The following KCNC1 variants were observed in gnomAD, a reference collection of about 807,000 sequenced individuals.
The protein encoded by KCNC1 is voltage-gated potassium channel KCNC1.
In KCNC1, 8 loss-of-function variants were observed where a neutral mutation model predicts 43.4. The observed-to-expected ratio is 0.18, with a 90% confidence interval of 0.11 to 0.33. The LOEUF (loss-of-function observed/expected upper bound fraction) is 0.33. KCNC1 is among the 10% of genes least tolerant of loss of function. The pLI is 1.00. For synonymous variants in KCNC1, 361 were observed against 360.5 expected (o/e 1.00, Z -0.01); for missense variants, 420 against 836.0 (o/e 0.50, Z 6.14).
intron 1 of KCNC1, among the ~76,000 whole-genome samples, chr11:17,767,127 G>A (rs1849159153): frequency 1.1e-5 from 1 of 88,314 alleles, no homozygotes; most frequent in African/African-American, 3.6e-5. Flanking sequence ...ACGAGACTCT[G>A]TCTTAAAAAA....
Position 17,777,767 on chromosome 11 carries a change from A to T in KCNC1, c.1505-1689A>T. On this transcript the variant is annotated intron_variant, in intron 2 of 3. Transcript: ENST00000265969. The surrounding 1 kb of genome is among the most constrained non-coding windows in gnomAD (Gnocchi z 4.3). Reference sequence around the variant, plus strand: ...AAAGACTTTTTTTTTAAGTTCCAAAATTATGATGGGATTTTTTTGGATTTG... The same window carrying T: ...AAAGACTTTTTTTTTAAGTTCCAAATTTATGATGGGATTTTTTTGGATTTG... 1.0e-6 allele frequency: 1 copy of T among 986,294 alleles called. No individual in the cohort carries two copies. The highest frequency in any genetic ancestry group is 1.2e-6 in the Non-Finnish European group (1 of 830,012). The allele number at this position is 986,294 out of a possible 1,614,324, so 61.1% of individuals were successfully genotyped here. A position where few individuals can be genotyped will look rare whatever the true frequency, so the allele number is the denominator to read the frequency against.
At chr11:17,747,050 G>A (rs1392814987) in intron 1 of KCNC1, among the ~76,000 whole-genome samples, 2 of 152,102 alleles carry the variant, frequency 1.3e-5, no homozygotes, top group Non-Finnish European at 1.5e-5. Flanking sequence ...ATCGTCACCC[G>A]TTACCCACCT....
At chr11:17,764,263 C>A (rs965132145) in intron 1 of KCNC1, among the ~76,000 whole-genome samples, 1 of 128,642 alleles carries the variant, frequency 7.8e-6, no homozygotes, top group Non-Finnish European at 1.5e-5. Flanking sequence ...ACACACACCA[C>A]CGCACACAAA....
rs753437246 is a variant in KCNC1 at position 17,740,750 on chromosome 11, T to G, written c.570+4178T>G. ...CCAAGCTGGGGAAGCCCCACCTCCATCCACCCAGCTGCCTGCCTCTCCTCT... is the reference window on the plus strand; with the variant it reads ...CCAAGCTGGGGAAGCCCCACCTCCAGCCACCCAGCTGCCTGCCTCTCCTCT... On this transcript the variant is annotated intron_variant, in intron 1 of 3. Coordinates refer to ENST00000265969, the MANE Select transcript of KCNC1 (RefSeq NM_001112741.2). Among the ~76,000 whole-genome samples, 5 of 152,198 alleles carry G rather than the reference T, an allele frequency of 3.3e-5. No individual in the cohort carries two copies. The South Asian group carries it at 1.0e-3, about 32-fold the overall frequency.
chr11:17,736,032 C>G lies in KCNC1; in HGVS notation c.30C>G (p.Ile10Met). 3 of 1,545,540 alleles carry G rather than the reference C, an allele frequency of 1.9e-6. No individual in the cohort carries two copies. The highest frequency in any genetic ancestry group is 2.6e-6 in the Non-Finnish European group (3 of 1,148,228). MGQGDESER[I>M]VINVGGTRHQ... ...GCCAAGGGGACGAGAGCGAGCGCAT[C>G]GTGATCAACGTGGGCGGCACGCGCC... The change falls in exon 1 of 4, where the codon ATC becomes ATG. Residue 10 changes from isoleucine (I) to methionine (M), a missense_variant. Around this residue, in one of 5 missense-constraint regions of KCNC1, gnomAD observed 42 missense variants for 81.5 expected, o/e 0.52. Transcript: ENST00000265969. This position sits in a 1 kb window ranked among gnomAD's most constrained non-coding sequence, Gnocchi z 9.3.
chr11:17,763,003 A>G (rs573301659), intron 1 of KCNC1, among the ~76,000 whole-genome samples: 1 of 152,280 alleles, frequency 6.6e-6, no homozygotes, highest in Non-Finnish European at 1.5e-5. Context: ...CTTCCAAAAA[A>G]AAGATACGCA....
intron 1 of KCNC1, among the ~76,000 whole-genome samples, chr11:17,768,616 G>GGT (rs1554991049): frequency 2.0e-5 from 3 of 150,928 alleles, no homozygotes; most frequent in African/African-American, 4.9e-5. Context: ...TGTTGGTGGG[G>GGT]GGGGGGGCGG....
intron 1 of KCNC1, among the ~76,000 whole-genome samples, chr11:17,741,639 C>T (rs1462094618): frequency 6.6e-6 from 1 of 152,130 alleles, no homozygotes; most frequent in Non-Finnish European, 1.5e-5. Context: ...TGTCAGATCG[C>T]CCGAGCCTGC....
At position 17,735,926 on chromosome 11, in the gene KCNC1, C is replaced by A; in HGVS notation, c.-77C>A. On this transcript the variant is annotated 5_prime_UTR_variant, in exon 1 of 4. Coordinates refer to ENST00000265969, the MANE Select transcript of KCNC1 (RefSeq NM_001112741.2). This position sits in a 1 kb window ranked among gnomAD's most constrained non-coding sequence, Gnocchi z 6.7. ...AGGGGGGAAGAGGGCGCGCGCCCCC[C>A]TCCCCGGCGCCAACTCCCCCTGGCG... 1 of 1,376,292 alleles carries A rather than the reference C, an allele frequency of 7.3e-7. No individual in the cohort carries two copies. The highest frequency in any genetic ancestry group is 9.3e-7 in the Non-Finnish European group (1 of 1,072,038). 85.3% of individuals were successfully genotyped at this position (1,376,292 alleles called of 1,614,324 possible). A position where few individuals can be genotyped will look rare whatever the true frequency, so the allele number is the denominator to read the frequency against.
Position 17,771,621 on chromosome 11 carries a change from C to T in KCNC1, c.571-44C>T. 1 of 1,543,610 alleles carries T rather than the reference C, an allele frequency of 6.5e-7. No homozygotes were observed. Among genetic ancestry groups the T allele is most frequent in the Non-Finnish European group, 8.8e-7 (1 of 1,132,568 alleles). ...GACAGAGGCAACCCAGGCTTCTCCA[C>T]TCTGGGTGGGCCTCCCTCTGACACT... On this transcript the variant is annotated intron_variant, in intron 1 of 3. Transcript: ENST00000265969. This position sits in a 1 kb window ranked among gnomAD's most constrained non-coding sequence, Gnocchi z 4.7.
chr11:17,778,003 A>AT (rs1430537705), intron 2 of KCNC1, among the ~76,000 whole-genome samples: 5 of 151,870 alleles, frequency 3.3e-5, no homozygotes, highest in Non-Finnish European at 5.9e-5. Flanking sequence ...TTTTCCCCCC[A>AT]CTCTACTCTT....
In KCNC1 at chr11:17,771,836, A is replaced by G. The variant is rs1429514588; in HGVS notation, c.742A>G (p.Ile248Val). The G allele has an allele frequency of 6.2e-7, 1 of 1,614,140 alleles. No homozygotes were observed. Among genetic ancestry groups the G allele is most frequent in the South Asian group, 1.1e-5 (1 of 91,084 alleles). ...EAETEAFLTY[I>V]EGVCVVWFTF... is the part of the protein sequence containing the mutation. ...CGAGACGGAGGCCTTCCTTACCTAC[A>G]TCGAGGGCGTCTGTGTGGTCTGGTT... Residue 248 changes from isoleucine (I) to valine (V), a missense_variant, in exon 2 of 4, where the codon ATC becomes GTC. Ile to Val is a conservative substitution (Grantham distance 29, BLOSUM62 3). This residue lies in a region of KCNC1 where 151 missense variants were observed against 216.7 expected (regional missense o/e 0.70). Coordinates refer to ENST00000265969, the MANE Select transcript of KCNC1 (RefSeq NM_001112741.2). The surrounding 1 kb of genome is among the most constrained non-coding windows in gnomAD (Gnocchi z 4.7).
Position 17,781,748 on chromosome 11 carries a change from C to T in KCNC1, c.*14C>T. On this transcript the variant is annotated 3_prime_UTR_variant, in exon 4 of 4. Coordinates refer to ENST00000265969, the MANE Select transcript of KCNC1 (RefSeq NM_001112741.2). This position sits in a 1 kb window ranked among gnomAD's most constrained non-coding sequence, Gnocchi z 5.1. ...AGAGTGACTTGACCAGGCGGCTTGG[C>T]CGAGGACACTGGTGGCTATTAAGCA... 1.3e-6 allele frequency: 2 copies of T among 1,543,494 alleles called. No individual in the cohort carries two copies. The highest frequency in any genetic ancestry group is 1.8e-6 in the Non-Finnish European group (2 of 1,139,492).
At chr11:17,751,160 C>T (rs1338062961) in intron 1 of KCNC1, among the ~76,000 whole-genome samples, 3 of 152,184 alleles carry the variant, frequency 2.0e-5, no homozygotes, top group Non-Finnish European at 4.4e-5. Flanking sequence ...GATCCCAGGT[C>T]TTCTTTTGAA....
chr11:17,779,694 T>C lies in KCNC1; in HGVS notation c.1693+50T>C. 1 of 1,374,464 alleles carries C rather than the reference T, an allele frequency of 7.3e-7. No individual in the cohort carries two copies. The highest frequency in any genetic ancestry group is 3.2e-5 in the Admixed American group (1 of 31,116). The allele number at this position is 1,374,464 out of a possible 1,614,324, so 85.1% of individuals were successfully genotyped here. A position where few individuals can be genotyped will look rare whatever the true frequency, so the allele number is the denominator to read the frequency against. On this transcript the variant is annotated intron_variant, in intron 3 of 3. Coordinates refer to ENST00000265969, the MANE Select transcript of KCNC1 (RefSeq NM_001112741.2). The surrounding 1 kb of genome is among the most constrained non-coding windows in gnomAD (Gnocchi z 7.2). ...GTGCATCGTCCGGGCCGCCTCGCGC[T>C]CCTGCAGATGGGTGGGCAGGGCGGC...
At chr11:17,767,797 C>G (rs1324604861) in intron 1 of KCNC1, among the ~76,000 whole-genome samples, 1 of 152,228 alleles carries the variant, frequency 6.6e-6, no homozygotes, top group Non-Finnish European at 1.5e-5. Flanking sequence ...TCCTGACTCT[C>G]CCTGGGGAAG....
At chr11:17,770,309 A>T (rs1033927551) in intron 1 of KCNC1, among the ~76,000 whole-genome samples, 6 of 152,236 alleles carry the variant, frequency 3.9e-5, no homozygotes, top group Non-Finnish European at 8.8e-5. Context: ...CTTGTGGAGA[A>T]GGCACTGCTT....
At chr11:17,743,058 T>C (rs928170698) in intron 1 of KCNC1, among the ~76,000 whole-genome samples, 1 of 152,198 alleles carries the variant, frequency 6.6e-6, no homozygotes, top group African/African-American at 2.4e-5. Flanking sequence ...CCTTCCTTTC[T>C]TGAATCACGC....
intron 1 of KCNC1, among the ~76,000 whole-genome samples, chr11:17,744,783 G>C (rs1263231850): frequency 6.6e-6 from 1 of 152,042 alleles, no homozygotes; most frequent in East Asian, 1.9e-4. Context: ...TGGCTGCTAT[G>C]GGGGATGGAG....
Sources: allele counts gnomAD v4.1 joint callset (sites outside exome capture counted in the v4.1 genomes callset), GRCh38; gene constraint gnomAD v4.1.1; regional missense constraint gnomAD v4.1.1; non-coding constraint Gnocchi (gnomAD v3.1); transcripts MANE v1.5; gene names NCBI Gene and HGNC (gene_info 2026-07-23, HGNC 2026-07-21).